ANGPTL5: variants seen among roughly 807,000 people sequenced by gnomAD.
ANGPTL5 encodes angiopoietin like 5.
Under a neutral mutation model 39.4 loss-of-function variants are expected in ANGPTL5, and 34 were observed. That is an observed-to-expected ratio of 0.86 (90% CI 0.66 to 1.15). The LOEUF (loss-of-function observed/expected upper bound fraction) is 1.15, where lower values mean the gene tolerates loss of function less well. Among genes scored for constraint, ANGPTL5 ranks in the 50% most tolerant of loss-of-function variants. ANGPTL5 has a pLI of 0.00. For synonymous variants in ANGPTL5, 146 were observed against 152.1 expected (o/e 0.96, Z 0.29); for missense variants, 467 against 457.5 (o/e 1.02, Z -0.19).
intron 3 of ANGPTL5, among the ~76,000 whole-genome samples, chr11:101,906,494 T>C (rs1939999415): frequency 6.6e-6 from 1 of 152,170 alleles, no homozygotes; most frequent in Admixed American, 6.5e-5. Flanking sequence ...CATGTTGCCA[T>C]GATGTACCGT....
intron 7 of ANGPTL5, among the ~76,000 whole-genome samples, chr11:101,898,114 T>C (rs1007673703): frequency 3.9e-5 from 6 of 151,980 alleles, no homozygotes; most frequent in African/African-American, 1.5e-4. Flanking sequence ...TCCCAACTAC[T>C]CGGGAGGCTG....
intron 1 of ANGPTL5, chr11:101,915,116 C>G: frequency 9.9e-7 from 1 of 1,008,950 alleles, no homozygotes; most frequent in Non-Finnish European, 1.4e-6. Flanking sequence ...GCTACAGGCA[C>G]CAGTGCCGCT....
chr11:101,900,197 G>C (rs1591254361), intron 7 of ANGPTL5, among the ~76,000 whole-genome samples: 1 of 152,060 alleles, frequency 6.6e-6, no homozygotes, highest in East Asian at 1.9e-4. Flanking sequence ...ATCCAATCTA[G>C]AATTTTCACT....
intron 7 of ANGPTL5, among the ~76,000 whole-genome samples, chr11:101,898,961 TG>T (rs1232552468): frequency 1.3e-5 from 2 of 152,238 alleles, no homozygotes; most frequent in African/African-American, 4.8e-5. Flanking sequence ...GATTTGCATA[TG>T]TTGAACCAGC....
chr11:101,915,328 T>G, intron 1 of ANGPTL5: 4 of 1,613,948 alleles, frequency 2.5e-6, no homozygotes, highest in Non-Finnish European at 3.4e-6. Context: ...GTCGGGGAAC[T>G]GGGCACTGAA....
intron 8 of ANGPTL5, among the ~76,000 whole-genome samples, chr11:101,893,448 G>T (rs1019118153): frequency 6.6e-6 from 1 of 152,106 alleles, no homozygotes. Flanking sequence ...ATTACATTCT[G>T]CTGACACCTT....
At chr11:101,896,249 C>T (rs1939792062) in intron 7 of ANGPTL5, among the ~76,000 whole-genome samples, 1 of 151,618 alleles carries the variant, frequency 6.6e-6, no homozygotes, top group South Asian at 2.1e-4. Flanking sequence ...GTAGTGCGAT[C>T]TCGGCTCACT....
intron 1 of ANGPTL5, among the ~76,000 whole-genome samples, chr11:101,912,008 T>C (rs1940099024): frequency 6.6e-6 from 1 of 152,234 alleles, no homozygotes; most frequent in Non-Finnish European, 1.5e-5. Context: ...CTCTCACAGA[T>C]AGAACTGACA....
chr11:101,899,265 C>T (rs371915345), intron 7 of ANGPTL5, among the ~76,000 whole-genome samples: 5 of 152,190 alleles, frequency 3.3e-5, no homozygotes, highest in Admixed American at 6.5e-5. Flanking sequence ...GCTGTGAATC[C>T]GTCTTTTGTG....
intron 1 of ANGPTL5, among the ~76,000 whole-genome samples, chr11:101,910,846 TG>T (rs530632978): frequency 2.0e-3 from 306 of 152,278 alleles, no homozygotes; most frequent in Admixed American, 3.8e-3. Context: ...TTATTGTTTC[TG>T]GTCTTATCTC....
intron 7 of ANGPTL5, among the ~76,000 whole-genome samples, chr11:101,897,429 C>T (rs907405516): frequency 6.6e-6 from 1 of 152,052 alleles, no homozygotes; most frequent in Admixed American, 6.6e-5. Context: ...AAGTCTTTGC[C>T]CATGCCTATG....
At chr11:101,908,984 C>T (rs1047155129) in intron 1 of ANGPTL5, among the ~76,000 whole-genome samples, 11 of 152,072 alleles carry the variant, frequency 7.2e-5, no homozygotes, top group Non-Finnish European at 1.5e-4. Flanking sequence ...CTTCATTCTA[C>T]ACACATGCCT....
chr11:101,905,767 A>G lies in ANGPTL5; in HGVS notation c.322T>C (p.Ser108Pro). 6.2e-7 allele frequency: 1 copy of G among 1,609,618 alleles called. No homozygotes were observed. The highest frequency in any genetic ancestry group is 8.5e-7 in the Non-Finnish European group (1 of 1,176,612). The stretch of plus-strand genomic sequence containing the variant: ...ACCTGATTAGATAAATAATCCAAGG[A>G]AGCTTGTTGCTCATCCATCATATTC... ...LRNMMDEQQA[S>P]LDYLSNQVNE... The change falls in exon 4 of 9, where the codon TCC (serine) becomes CCC (proline). Residue 108 changes from serine to proline, a missense_variant. Transcript: ENST00000334289.
intron 5 of ANGPTL5, 129 bp downstream of exon 5, chr11:101,904,684 AG>A: frequency 1.3e-6 from 1 of 774,596 alleles, no homozygotes; most frequent in Non-Finnish European, 2.2e-6. Flanking sequence ...AGCAGGTATT[AG>A]CCCTCCAGTC....
chr11:101,911,319 T>A (rs1320645221), intron 1 of ANGPTL5, among the ~76,000 whole-genome samples: 1 of 151,874 alleles, frequency 6.6e-6, no homozygotes. Flanking sequence ...AGATGGGGTT[T>A]CACCATGTTG....
chr11:101,891,464 G>T lies in ANGPTL5; in HGVS notation c.982C>A (p.His328Asn). 1.9e-6 allele frequency: 3 copies of T among 1,614,086 alleles called. No homozygotes were observed. The highest frequency in any genetic ancestry group is 4.5e-5 in the East Asian group (2 of 44,874). ...GQSVKSCSHLHNKTGWWFNEC... is the reference protein window; with the variant it reads ...GQSVKSCSHLNNKTGWWFNEC... ...TTAAACCACCAGCCGGTCTTGTTAT[G>T]GAGGTGACTGCAGCTCTTCACAGAC... The change falls in exon 9 of 9, where the codon CAT becomes AAT. Residue 328 changes from histidine (H) to asparagine (N), a missense_variant. Coordinates refer to ENST00000334289, the MANE Select transcript of ANGPTL5 (RefSeq NM_178127.5).
intron 6 of ANGPTL5, among the ~76,000 whole-genome samples, chr11:101,901,665 C>A (rs895576983): frequency 6.6e-6 from 1 of 152,108 alleles, no homozygotes; most frequent in Non-Finnish European, 1.5e-5. Flanking sequence ...AGAAGCCTTC[C>A]TTTTCCACAT....
Position 101,891,420 on chromosome 11 carries a change from A to T in ANGPTL5, c.1026T>A (p.Asn342Lys), listed in dbSNP as rs1455150633. The T allele has an allele frequency of 6.2e-7, 1 of 1,613,998 alleles. No homozygotes were observed. Among genetic ancestry groups the T allele is most frequent in the Non-Finnish European group, 8.5e-7 (1 of 1,179,992 alleles). Residue 342 changes from asparagine to lysine, a missense_variant, in exon 9 of 9, where the codon AAT (asparagine) becomes AAA (lysine). Coordinates refer to ENST00000334289, the MANE Select transcript of ANGPTL5 (RefSeq NM_178127.5). ...GWWFNECGLA[N>K]LNGIHHFSGK... is the part of the protein sequence containing the mutation. ...CAGAGAAGTGATGAATGCCATTTAG[A>T]TTTGCTAGACCACACTCGTTAAACC...
intron 1 of ANGPTL5, among the ~76,000 whole-genome samples, chr11:101,908,780 C>CAAAAAAAAAAAAAAAAAAAAAAA (rs59041644): frequency 3.8e-4 from 25 of 64,976 alleles, no homozygotes; most frequent in African/African-American, 1.1e-3. Context: ...GACTCCATCT[C>CAAAAAAAAAAAAAAAAAAAAAAA]AAAAAAAAAA....
Sources: gnomAD v4.1 joint callset for allele counts (sites outside exome capture counted in the v4.1 genomes callset) on GRCh38, gnomAD v4.1.1 for gene constraint, MANE v1.5 for transcripts, NCBI Gene and HGNC (gene_info 2026-07-23, HGNC 2026-07-21) for gene names.